The following ZBTB7C variants were observed in gnomAD, a reference collection of about 807,000 sequenced individuals.
The protein encoded by ZBTB7C is zinc finger and BTB domain containing 7C.
In ZBTB7C, 8 loss-of-function variants were observed where a neutral mutation model predicts 25.7. The ratio of observed to expected loss-of-function variants is 0.31; its 90% CI spans 0.18 to 0.56. The LOEUF (loss-of-function observed/expected upper bound fraction) is 0.56. Ranked by LOEUF, ZBTB7C falls within the 20% of genes least tolerant of loss-of-function variation. The pLI, the probability that ZBTB7C is intolerant of heterozygous loss-of-function variation, is 0.91. For missense variants in ZBTB7C, 824 were observed against 855.2 expected (o/e 0.96, Z 0.46); for synonymous variants, 394 against 369.0 (o/e 1.07, Z -0.78).
chr18:48,388,774 CT>C (rs1403575471), intron 1 of ZBTB7C, among the ~76,000 whole-genome samples: 1 of 152,156 alleles, frequency 6.6e-6, no homozygotes, highest in Non-Finnish European at 1.5e-5. Flanking sequence ...TAAAAATAAA[CT>C]GGCAAACACT....
chr18:48,205,798 A>C (rs1176075768), intron 2 of ZBTB7C, among the ~76,000 whole-genome samples: 1 of 152,064 alleles, frequency 6.6e-6, no homozygotes, highest in African/African-American at 2.4e-5. Flanking sequence ...GGGAAAGAAG[A>C]ATGTCCCCAG....
chr18:48,076,583 T>C (rs1326076038), intron 3 of ZBTB7C, among the ~76,000 whole-genome samples: 3 of 152,130 alleles, frequency 2.0e-5, no homozygotes, highest in Non-Finnish European at 4.4e-5. Flanking sequence ...GCCACTGAGA[T>C]TGTGGGTGAG....
intron 2 of ZBTB7C, among the ~76,000 whole-genome samples, chr18:48,192,380 T>C (rs1453501222): frequency 1.3e-5 from 2 of 152,200 alleles, no homozygotes; most frequent in South Asian, 2.1e-4. Flanking sequence ...ACTGTAAAGG[T>C]GGATAGATGA....
chr18:48,410,418 A>T (rs993865354), upstream of ZBTB7C, among the ~76,000 whole-genome samples: 3 of 151,774 alleles, frequency 2.0e-5, no homozygotes, highest in Non-Finnish European at 4.4e-5. Context: ...CCGCGCAACA[A>T]TGCCAACGGG....
At chr18:48,029,963 C>A in intron 4 of ZBTB7C, 52 bp from the exon 5 acceptor site, 1 of 1,602,638 alleles carries the variant, frequency 6.2e-7, no homozygotes, top group South Asian at 1.1e-5. Flanking sequence ...AGGAGCCATT[C>A]CTAACCTTTT....
At chr18:48,325,033 T>C (rs1445861318) in intron 2 of ZBTB7C, among the ~76,000 whole-genome samples, 2 of 152,180 alleles carry the variant, frequency 1.3e-5, no homozygotes, top group Admixed American at 1.3e-4. Context: ...GTGGGGACTA[T>C]GTCGGGAGCT....
chr18:48,136,693 G>T (rs1361009193), intron 3 of ZBTB7C, among the ~76,000 whole-genome samples: 3 of 152,226 alleles, frequency 2.0e-5, no homozygotes, highest in African/African-American at 4.8e-5. Flanking sequence ...TGGGGCAGTG[G>T]CGAGAGTTGC....
intron 2 of ZBTB7C, among the ~76,000 whole-genome samples, chr18:48,195,494 C>T (rs1004830818): frequency 1.3e-5 from 2 of 152,212 alleles, no homozygotes; most frequent in Admixed American, 6.5e-5. Context: ...CCTCCTTTGC[C>T]TTTTGCCATG....
chr18:48,250,322 T>C (rs910334382), intron 2 of ZBTB7C, among the ~76,000 whole-genome samples: 2 of 152,196 alleles, frequency 1.3e-5, no homozygotes, highest in African/African-American at 4.8e-5. Context: ...TGCTAGATCC[T>C]AGCTGGGAGA....
At chr18:48,075,285 G>C (rs201961020) in intron 3 of ZBTB7C, among the ~76,000 whole-genome samples, 19 of 152,328 alleles carry the variant, frequency 1.2e-4, no homozygotes, top group East Asian at 5.8e-4. Context: ...TGCCCTTACT[G>C]TTCTATGGGA....
intron 1 of ZBTB7C, among the ~76,000 whole-genome samples, chr18:48,394,892 C>T (rs998179079): frequency 6.6e-6 from 1 of 152,288 alleles, no homozygotes; most frequent in East Asian, 1.9e-4. Flanking sequence ...CTGTAAACGG[C>T]GACGCGTATG....
At chr18:48,374,815 C>T (rs2047477870) in intron 1 of ZBTB7C, among the ~76,000 whole-genome samples, 1 of 152,218 alleles carries the variant, frequency 6.6e-6, no homozygotes, top group African/African-American at 2.4e-5. Flanking sequence ...AACATGCCTT[C>T]CCTGTACCCA....
intron 2 of ZBTB7C, among the ~76,000 whole-genome samples, chr18:48,227,669 A>G (rs1435318794): frequency 6.6e-6 from 1 of 152,232 alleles, no homozygotes; most frequent in African/African-American, 2.4e-5. Flanking sequence ...TTCAGGTCCT[A>G]AACAGGAAGC....
intron 4 of ZBTB7C, among the ~76,000 whole-genome samples, chr18:48,032,530 G>T (rs1009091695): frequency 6.9e-6 from 1 of 144,902 alleles, no homozygotes; most frequent in African/African-American, 2.6e-5. Context: ...CGCATCCCGG[G>T]TTCACACAAT....
chr18:48,106,989 G>A (rs2039052658), intron 3 of ZBTB7C, among the ~76,000 whole-genome samples: 1 of 151,998 alleles, frequency 6.6e-6, no homozygotes, highest in Admixed American at 6.6e-5. Context: ...TGATATAATT[G>A]GAATGAGAGC....
chr18:48,157,207 A>G (rs947327363), intron 3 of ZBTB7C, among the ~76,000 whole-genome samples: 22 of 152,226 alleles, frequency 1.4e-4, no homozygotes, highest in African/African-American at 4.6e-4. Context: ...AAAAGCATTA[A>G]CAGCAAGAAG....
rs999272411 is a variant in ZBTB7C at position 48,182,502 on chromosome 18, G to A, written c.-17+3432C>T. Among the ~76,000 whole-genome samples, 9 of 152,196 alleles carry A rather than the reference G, an allele frequency of 5.9e-5. No individual in the cohort carries two copies. The South Asian group carries it at 1.4e-3, about 25-fold the overall frequency. On this transcript the variant is annotated intron_variant, in intron 3 of 4. Transcript: ENST00000590800. ...CTAAAAATGCCATGATAATACCAAA[G>A]ATGCACAGAGGAGACTCAGCTATGA...
At chr18:48,361,867 T>C (rs967979792) in intron 1 of ZBTB7C, among the ~76,000 whole-genome samples, 1 of 152,158 alleles carries the variant, frequency 6.6e-6, no homozygotes, top group African/African-American at 2.4e-5. Context: ...ACAGAAGCTG[T>C]GCAGATTCAG....
intron 3 of ZBTB7C, among the ~76,000 whole-genome samples, chr18:48,153,925 T>C (rs577664647): frequency 7.2e-5 from 11 of 152,124 alleles, no homozygotes; most frequent in Non-Finnish European, 1.3e-4. Context: ...TAGGAGGCTG[T>C]AGGAACAGCC....
Sources: allele counts gnomAD v4.1 joint callset (sites outside exome capture counted in the v4.1 genomes callset), GRCh38; gene constraint gnomAD v4.1.1; transcripts MANE v1.5; gene names NCBI Gene and HGNC (gene_info 2026-07-23, HGNC 2026-07-21).